The following ABCC3 variants were observed in gnomAD, a reference collection of about 807,000 sequenced individuals.
The protein encoded by ABCC3 is ATP-binding cassette sub-family C member 3.
ABCC3 carries 121 observed loss-of-function variants against 165.3 expected under a neutral mutation model. The ratio of observed to expected loss-of-function variants is 0.73; its 90% CI spans 0.63 to 0.85. The LOEUF (loss-of-function observed/expected upper bound fraction) is 0.85, where lower values mean the gene tolerates loss of function less well. ABCC3 is among the 40% of genes least tolerant of loss of function. The pLI is 0.00. For missense variants in ABCC3, 1,869 were observed against 1,964.1 expected (o/e 0.95, Z 0.92); for synonymous variants, 733 against 810.1 (o/e 0.90, Z 1.62).
rs1365615674 is a variant in ABCC3, at chr17:50,634,883, G to A, written c.-54G>A. On this transcript the variant is annotated 5_prime_UTR_variant, in exon 1 of 31. Coordinates refer to ENST00000285238, the MANE Select transcript of ABCC3 (RefSeq NM_003786.4). ...CGGAGGCGGCTCCGGCGCCCGCTCT[G>A]CCCGCCGCTGGGTCCGACCGCGCTC... 9 of 1,241,412 alleles carry A rather than the reference G, an allele frequency of 7.2e-6. No homozygotes were observed. The highest frequency in any genetic ancestry group is 3.1e-4 in the Middle Eastern group (1 of 3,202). The allele number at this position is 1,241,412 out of a possible 1,614,324, so 76.9% of individuals were successfully genotyped here.
rs1378260943 is a variant in ABCC3 at position 50,691,132 on chromosome 17, T to G, written c.4516T>G (p.Ser1506Ala). ...CAAAGGAGTAGTAGCTGAATTTGAT[T>G]CTCCAGCCAACCTCATTGCAGCTAG... ...LDKGVVAEFDSPANLIAARGI... is the reference protein window; with the variant it reads ...LDKGVVAEFDAPANLIAARGI... The change falls in exon 31 of 31, where the codon TCT becomes GCT. Residue 1506 changes from serine (S) to alanine (A), a missense_variant. Transcript: ENST00000285238. 1 of 1,614,020 alleles carries G rather than the reference T, an allele frequency of 6.2e-7. No homozygotes were observed. Among genetic ancestry groups the G allele is most frequent in the Non-Finnish European group, 8.5e-7 (1 of 1,180,022 alleles).
chr17:50,675,502 TCCC>T, intron 20 of ABCC3, 26 bp downstream of exon 20: 1 of 1,605,058 alleles, frequency 6.2e-7, no homozygotes, highest in Non-Finnish European at 8.5e-7. Flanking sequence ...CTCCCAGCCC[TCCC>T]GGAGGCTGTA....
At chr17:50,652,978 A>T (rs1271614037) in intron 1 of ABCC3, among the ~76,000 whole-genome samples, 1 of 152,200 alleles carries the variant, frequency 6.6e-6, no homozygotes, top group Non-Finnish European at 1.5e-5. Flanking sequence ...AGGTACCCTT[A>T]CTTGGTCACT....
rs1160327070 is a variant in ABCC3, at chr17:50,653,345, A to C, written c.46-2487A>C. ...TGGGGGCCAAGAGCGAGACTGTCTCAAAAAAAAAAAAAAAAAAAGAAAAAG... is the reference window on the plus strand; with the variant it reads ...TGGGGGCCAAGAGCGAGACTGTCTCCAAAAAAAAAAAAAAAAAAGAAAAAG... On this transcript the variant is annotated intron_variant, in intron 1 of 30. Transcript: ENST00000285238. Among the ~76,000 whole-genome samples the C allele has an allele frequency of 4.1e-5, 5 of 123,054 alleles. No homozygotes were observed. The East Asian group carries it at 8.7e-4, about 21-fold the overall frequency. 80.7% of individuals were successfully genotyped at this position (123,054 alleles called of 152,430 possible).
Position 50,684,828 on chromosome 17 carries a change from G to A in ABCC3, c.4233G>A (p.Gln1411=). 1 of 1,614,180 alleles carries A rather than the reference G, an allele frequency of 6.2e-7. No homozygotes were observed. The highest frequency in any genetic ancestry group is 8.5e-7 in the Non-Finnish European group (1 of 1,180,034). Residue 1411 remains glutamine (Q), a synonymous_variant, in exon 29 of 31, where the codon CAG becomes CAA. Transcript: ENST00000285238. ...ACCTGCACACGTTTGTGAGCTCCCAGCCGGCAGGCCTGGACTTCCAGTGCT... is the reference window on the plus strand; with the variant it reads ...ACCTGCACACGTTTGTGAGCTCCCAACCGGCAGGCCTGGACTTCCAGTGCT... ...LSHLHTFVSS[Q]PAGLDFQCSE... is the part of the protein sequence containing the mutation.
rs1567835766 is a variant in ABCC3 at position 50,674,040 on chromosome 17, C to CTTTT, written c.2599+385_2599+386insTTTT. On this transcript the variant is annotated intron_variant, in intron 19 of 30. Transcript: ENST00000285238. Reference sequence around the variant, plus strand: ...TCTCTCTCTCTCTCTCTCTCTCTTTCTTTCTTTCTTTCTTTCTTTCTTTCT... The same window carrying CTTTT: ...TCTCTCTCTCTCTCTCTCTCTCTTTCTTTTTTTCTTTCTTTCTTTCTTTCTTTCT... Among the ~76,000 whole-genome samples the CTTTT allele has an allele frequency of 1.0e-4, 3 of 28,868 alleles. 1 individual carries two copies. Among genetic ancestry groups the CTTTT allele is most frequent in the South Asian group, 2.0e-3 (2 of 1,004 alleles). 18.9% of individuals were successfully genotyped at this position (28,868 alleles called of 152,430 possible).
Position 50,642,320 on chromosome 17 carries a change from G to A in ABCC3, c.45+7339G>A, listed in dbSNP as rs60612836. On this transcript the variant is annotated intron_variant, in intron 1 of 30. Transcript: ENST00000285238. ...GTTAGGGGTGAGGGCCTGTGTGGGC[G>A]GGTACCCCCTGCCTCCTAGGGAGGG... Among the ~76,000 whole-genome samples, 767 of 152,288 alleles carry A rather than the reference G, an allele frequency of 5.0e-3. 6 individuals are homozygous for A. The highest frequency in any genetic ancestry group is 0.017 in the African/African-American group (705 of 41,560).
At chr17:50,666,930 G>A (rs549164185) in intron 11 of ABCC3, among the ~76,000 whole-genome samples, 1 of 152,312 alleles carries the variant, frequency 6.6e-6, no homozygotes, top group Non-Finnish European at 1.5e-5. Flanking sequence ...TAGAAACCCA[G>A]GGAAGGGGAC....
At chr17:50,635,447 C>T (rs1043981063) in intron 1 of ABCC3, 3 of 702,052 alleles carry the variant, frequency 4.3e-6, no homozygotes, top group African/African-American at 3.5e-5. Flanking sequence ...ACCTGCTCAA[C>T]CAGGTGTTTT....
Position 50,691,199 on chromosome 17 carries a change from A to G in ABCC3, c.4583A>G (p.Ter1528=). The G allele has an allele frequency of 6.2e-7, 1 of 1,610,628 alleles. No homozygotes were observed. The highest frequency in any genetic ancestry group is 1.1e-5 in the South Asian group (1 of 91,000). The change falls in exon 31 of 31, where the codon TAA becomes TGA. Residue 1528 remains the stop codon, a stop_retained_variant. Transcript: ENST00000285238. ...YGMARDAGLA[*] is the part of the protein sequence containing the mutation. ...ATGGCCAGAGATGCTGGACTTGCCTAAAATATATTCCTGAGATTTCCTCCT... is the reference window on the plus strand; with the variant it reads ...ATGGCCAGAGATGCTGGACTTGCCTGAAATATATTCCTGAGATTTCCTCCT...
intron 23 of ABCC3, 146 bp downstream of exon 23, chr17:50,676,734 G>C (rs1468030894): frequency 1.0e-5 from 8 of 789,428 alleles, no homozygotes; most frequent in Non-Finnish European, 1.6e-5. Context: ...TTTATGTTAG[G>C]GGAGCCATTA....
chr17:50,642,048 T>C (rs1490476715), intron 1 of ABCC3, among the ~76,000 whole-genome samples: 1 of 150,060 alleles, frequency 6.7e-6, no homozygotes, highest in African/African-American at 2.5e-5. Flanking sequence ...GTTCAACCTG[T>C]AATTTGAAGG....
At chr17:50,662,987 G>T (rs1172585524) in intron 8 of ABCC3, among the ~76,000 whole-genome samples, 2 of 152,154 alleles carry the variant, frequency 1.3e-5, no homozygotes, top group African/African-American at 2.4e-5. Context: ...AGGAGGCAGA[G>T]GAAGGCCAGG....
chr17:50,636,974 G>A (rs1046123389), intron 1 of ABCC3, among the ~76,000 whole-genome samples: 1 of 152,192 alleles, frequency 6.6e-6, no homozygotes, highest in Non-Finnish European at 1.5e-5. Context: ...CGGGGCTGTG[G>A]TTACAGGGTT....
intron 1 of ABCC3, chr17:50,643,484 A>C (rs750636753): frequency 2.2e-6 from 1 of 453,274 alleles, no homozygotes; most frequent in Non-Finnish European, 4.4e-6. Flanking sequence ...CCCAGGCAGC[A>C]TGTCCCTGAC....
At chr17:50,678,557 A>AC (rs1461174035) in intron 25 of ABCC3, among the ~76,000 whole-genome samples, 2 of 151,950 alleles carry the variant, frequency 1.3e-5, no homozygotes, top group East Asian at 3.9e-4. Context: ...AACTGGAGAG[A>AC]CCCCCATCAG....
intron 23 of ABCC3, 80 bp downstream of exon 23, chr17:50,676,668 G>C: frequency 7.7e-5 from 58 of 749,712 alleles, no homozygotes; most frequent in East Asian, 1.0e-4. Flanking sequence ...GCAGGGGTGG[G>C]ACACTTCAGG....
At chr17:50,656,102 T>A in intron 2 of ABCC3, 94 bp downstream of exon 2, 1 of 1,070,026 alleles carries the variant, frequency 9.3e-7, no homozygotes, top group Non-Finnish European at 1.2e-6. Flanking sequence ...TTAATTAATT[T>A]AGAGACAGAG....
intron 1 of ABCC3, among the ~76,000 whole-genome samples, chr17:50,641,226 C>A (rs1227810580): frequency 6.6e-6 from 1 of 152,226 alleles, no homozygotes; most frequent in East Asian, 1.9e-4. Flanking sequence ...CCCTTATCAG[C>A]CCCATCCAGC....
Sources: gnomAD v4.1 joint callset for allele counts (sites outside exome capture counted in the v4.1 genomes callset) on GRCh38, gnomAD v4.1.1 for gene constraint, MANE v1.5 for transcripts, NCBI Gene and HGNC (gene_info 2026-07-23, HGNC 2026-07-21) for gene names.